The following ARHGAP18 variants were observed in gnomAD, a reference collection of about 807,000 sequenced individuals.
ARHGAP18 encodes rho GTPase-activating protein 18.
Under a neutral mutation model 86.2 loss-of-function variants are expected in ARHGAP18, and 67 were observed. The observed-to-expected ratio is 0.78, with a 90% CI of 0.64 to 0.95. The LOEUF is 0.95. Among genes scored for constraint, ARHGAP18 ranks in the 40% least tolerant of loss-of-function variants. The pLI is 0.00. For synonymous variants in ARHGAP18, 283 were observed against 280.4 expected, an observed-to-expected ratio of 1.01 and a Z score of -0.09; for missense variants, 691 against 780.4, an observed-to-expected ratio of 0.89 and a Z score of 1.37.
intron 1 of ARHGAP18, among the ~76,000 whole-genome samples, chr6:129,671,477 C>T (rs1235819054): frequency 6.6e-6 from 1 of 152,124 alleles, no homozygotes; most frequent in Non-Finnish European, 1.5e-5. Flanking sequence ...AGTGGGAAGA[C>T]TGCTTGAGCC....
intron 5 of ARHGAP18, among the ~76,000 whole-genome samples, chr6:129,625,453 TATA>T (rs1789383477): frequency 3.4e-5 from 2 of 59,534 alleles, no homozygotes; most frequent in African/African-American, 1.4e-4. Context: ...TTTTATATTA[TATA>T]TTATATATAA....
In ARHGAP18 at chr6:129,605,909, G is replaced by C; in HGVS notation, c.1333C>G (p.Leu445Val). The part of the protein sequence containing the change: ...QLQALNLLVI[L>V]LPDANRDTLK... ...GTGTCCCTGTTTGCATCAGGTAGGA[G>C]GATGACAAGAAGGTTCAAAGCCTGT... Residue 445 changes from leucine (L) to valine (V), a missense_variant, in exon 10 of 15, where the codon CTC (leucine) becomes GTC (valine). Transcript: ENST00000368149. 6.2e-7 allele frequency: 1 copy of C among 1,613,536 alleles called. No individual in the cohort carries two copies.
At chr6:129,632,461 G>GA (rs1447563174) in intron 4 of ARHGAP18, among the ~76,000 whole-genome samples, 6 of 152,130 alleles carry the variant, frequency 3.9e-5, no homozygotes, top group Non-Finnish European at 8.8e-5. Flanking sequence ...AAAACACCAA[G>GA]AAAAGGACAA....
intron 1 of ARHGAP18, among the ~76,000 whole-genome samples, chr6:129,683,055 C>CTT (rs199633610): frequency 3.6e-5 from 5 of 139,086 alleles, no homozygotes; most frequent in African/African-American, 1.1e-4. Context: ...TTTGTTTTTT[C>CTT]TTTTTTTTTT....
At chr6:129,647,397 A>T (rs1322127715) in intron 1 of ARHGAP18, among the ~76,000 whole-genome samples, 1 of 152,098 alleles carries the variant, frequency 6.6e-6, no homozygotes, top group Non-Finnish European at 1.5e-5. Flanking sequence ...TTAAAGTCCT[A>T]TCGTGATGCT....
intron 13 of ARHGAP18, among the ~76,000 whole-genome samples, chr6:129,581,908 A>G (rs919490914): frequency 6.6e-5 from 10 of 152,148 alleles, no homozygotes; most frequent in Non-Finnish European, 1.3e-4. Flanking sequence ...TATATGCTGC[A>G]TGGTCATTTT....
chr6:129,702,648 G>A (rs1346971337), intron 1 of ARHGAP18, among the ~76,000 whole-genome samples: 1 of 152,130 alleles, frequency 6.6e-6, no homozygotes, highest in Non-Finnish European at 1.5e-5. Flanking sequence ...TCATCACAGT[G>A]ACACCACTAG....
chr6:129,611,514 A>G lies in ARHGAP18; in HGVS notation c.1122+19T>C. 1 of 1,608,580 alleles carries G rather than the reference A, an allele frequency of 6.2e-7. No individual in the cohort carries two copies. The highest frequency in any genetic ancestry group is 8.5e-7 in the Non-Finnish European group (1 of 1,175,242). On this transcript the variant is annotated intron_variant, in intron 8 of 14. Coordinates refer to ENST00000368149, the MANE Select transcript of ARHGAP18 (RefSeq NM_033515.3). ...AAATAAACAATAAAATGTTTACATT[A>G]GTAGAACCCAGAGATTACCTTGATT...
chr6:129,579,318 G>T (rs912969464), intron 14 of ARHGAP18, among the ~76,000 whole-genome samples: 1 of 151,944 alleles, frequency 6.6e-6, no homozygotes. Flanking sequence ...GCCTATTTAA[G>T]AATAAACCTT....
intron 1 of ARHGAP18, among the ~76,000 whole-genome samples, chr6:129,657,859 C>T (rs567819555): frequency 2.3e-4 from 35 of 152,198 alleles, no homozygotes; most frequent in African/African-American, 7.0e-4. Context: ...GAAAAGAGAC[C>T]GACATTTATT....
intron 7 of ARHGAP18, among the ~76,000 whole-genome samples, chr6:129,612,065 C>A (rs1253286000): frequency 6.6e-6 from 1 of 152,178 alleles, no homozygotes; most frequent in Non-Finnish European, 1.5e-5. Context: ...TGCAAATATT[C>A]ATTTTTAAGT....
rs1391605851 is a variant in ARHGAP18, at chr6:129,576,304, T to C, written c.*2209A>G. 6.6e-6 allele frequency: 1 copy of C among 152,168 alleles called. No homozygotes were observed. The allele number at this position is 152,168 out of a possible 1,614,324, so 9.4% of individuals were successfully genotyped here. On this transcript the variant is annotated 3_prime_UTR_variant, in exon 15 of 15. Transcript: ENST00000368149. ...AAGGCTCTATGGTATCAAGTTTTTT[T>C]TCTCTTTAGAGCCAGGCATGGTGGC... is the stretch of plus-strand genomic sequence containing the variant.
intron 1 of ARHGAP18, among the ~76,000 whole-genome samples, chr6:129,649,599 G>C (rs1467749074): frequency 3.5e-5 from 5 of 144,430 alleles, no homozygotes. Context: ...ATCTTGTATA[G>C]TGCTTTATAG....
At chr6:129,656,026 G>T (rs1773827855) in intron 1 of ARHGAP18, among the ~76,000 whole-genome samples, 1 of 152,204 alleles carries the variant, frequency 6.6e-6, no homozygotes, top group African/African-American at 2.4e-5. Flanking sequence ...TTGATGGAGT[G>T]ATACTATAGA....
intron 1 of ARHGAP18, among the ~76,000 whole-genome samples, chr6:129,707,650 G>GT (rs57719259): frequency 0.01 from 1,117 of 107,816 alleles, 25 homozygotes; most frequent in African/African-American, 0.035. Context: ...GTGGTTTCTT[G>GT]TTTTTTTTTT....
At position 129,642,012 on chromosome 6, in the gene ARHGAP18, T is replaced by C. The variant is rs769229671; in HGVS notation, c.120A>G (p.Arg40=). ...KAGEEATSSR[R]YGQYTMNQES... is the part of the protein sequence containing the mutation. ...CCTGGTTCATAGTGTACTGGCCATA[T>C]CTGCGACTGTAAATTCAAAAGAACC... Residue 40 remains arginine, a synonymous_variant, in exon 2 of 15, where the codon AGA becomes AGG. Transcript: ENST00000368149. 2.4e-5 allele frequency: 39 copies of C among 1,613,258 alleles called. No homozygotes were observed. Among genetic ancestry groups the C allele is most frequent in the Non-Finnish European group, 2.5e-6 (3 of 1,179,782 alleles).
In ARHGAP18 at chr6:129,625,073, A is replaced by ATATATATGATATATGATATATGATATATC. The variant is rs1789328149; in HGVS notation, c.786+4279_786+4280insGATATATCATATATCATATATCATATATA. Among the ~76,000 whole-genome samples the ATATATATGATATATGATATATGATATATC allele has an allele frequency of 2.6e-5, 2 of 78,332 alleles. 1 individual carries two copies. Among genetic ancestry groups the ATATATATGATATATGATATATGATATATC allele is most frequent in the Non-Finnish European group, 5.5e-5 (2 of 36,510 alleles). The allele number at this position is 78,332 out of a possible 152,430, so 51.4% of individuals were successfully genotyped here. ...ATATGATTGATATATATTTATATAT[A>ATATATATGATATATGATATATGATATATC]ATATATATGATATATGATATATGAT... On this transcript the variant is annotated intron_variant, in intron 5 of 14. Transcript: ENST00000368149.
intron 1 of ARHGAP18, among the ~76,000 whole-genome samples, chr6:129,674,379 T>G (rs140603898): frequency 6.6e-6 from 1 of 152,192 alleles, no homozygotes; most frequent in African/African-American, 2.4e-5. Context: ...TTTAAAATTC[T>G]ATGGTTCTAG....
At chr6:129,669,104 CA>C (rs1047946918) in intron 1 of ARHGAP18, among the ~76,000 whole-genome samples, 3 of 151,954 alleles carry the variant, frequency 2.0e-5, no homozygotes, top group African/African-American at 7.2e-5. Flanking sequence ...TCAGTGAAAA[CA>C]GAGCCAGGCA....
Sources: gnomAD v4.1 joint callset for allele counts (sites outside exome capture counted in the v4.1 genomes callset) on GRCh38, gnomAD v4.1.1 for gene constraint, MANE v1.5 for transcripts, NCBI Gene and HGNC (gene_info 2026-07-23, HGNC 2026-07-21) for gene names.